Variants in ZDHHC6 observed in about 807,000 individuals in gnomAD.
ZDHHC6 encodes zDHHC palmitoyltransferase 6, also known as palmitoyltransferase ZDHHC6.
ZDHHC6 carries 32 observed loss-of-function variants against 57.8 expected under a neutral mutation model. The ratio of observed to expected loss-of-function variants is 0.55; its 90% CI spans 0.42 to 0.74. ZDHHC6 has a LOEUF of 0.74. Ranked by LOEUF, ZDHHC6 falls within the 30% of genes least tolerant of loss-of-function variation. The probability of loss-of-function intolerance (pLI) is 0.00; values close to 1 mark genes in which losing one functional copy is unlikely to be tolerated. For synonymous variants in ZDHHC6, 128 were observed against 158.0 expected, an observed-to-expected ratio of 0.81 and a Z score of 1.42; for missense variants, 433 against 500.7, an observed-to-expected ratio of 0.86 and a Z score of 1.29.
chr10:112,444,172 T>G (rs1023577256), intron 2 of ZDHHC6, among the ~76,000 whole-genome samples: 1 of 152,240 alleles, frequency 6.6e-6, no homozygotes, highest in African/African-American at 2.4e-5. Flanking sequence ...TCTCATGTAT[T>G]TAAGACTGTC....
downstream of ZDHHC6, chr10:112,425,499 C>A (rs760136368): frequency 3.1e-5 from 49 of 1,572,642 alleles, no homozygotes; most frequent in Non-Finnish European, 4.0e-5. Flanking sequence ...ATCATTTTAA[C>A]AATAGCCCAT....
intron 3 of ZDHHC6, 95 bp from the exon 4 acceptor site, chr10:112,442,446 C>T: frequency 8.1e-7 from 1 of 1,233,878 alleles, no homozygotes; most frequent in Non-Finnish European, 1.1e-6. Flanking sequence ...AGGAATCCAG[C>T]ATGTCCATGA....
upstream of ZDHHC6, chr10:112,447,520 G>T (rs1310979135): frequency 6.3e-7 from 1 of 1,590,972 alleles, no homozygotes; most frequent in Non-Finnish European, 8.6e-7. Flanking sequence ...GGGAGGGTGC[G>T]GGCGGTGGAA....
chr10:112,436,137 G>A (rs549346283), intron 6 of ZDHHC6, among the ~76,000 whole-genome samples: 142 of 152,312 alleles, frequency 9.3e-4, no homozygotes, highest in African/African-American at 3.3e-3. Context: ...TATCAAGTGT[G>A]AGACAGGGTA....
Position 112,430,725 on chromosome 10 carries a change from C to G in ZDHHC6, c.*79G>C. The G allele has an allele frequency of 2.4e-6, 3 of 1,244,690 alleles. No individual in the cohort carries two copies. Among genetic ancestry groups the G allele is most frequent in the Non-Finnish European group, 2.3e-6 (2 of 877,482 alleles). The allele number at this position is 1,244,690 out of a possible 1,614,324, so 77.1% of individuals were successfully genotyped here. On this transcript the variant is annotated 3_prime_UTR_variant, in exon 11 of 11. Transcript: ENST00000369405. The stretch of plus-strand genomic sequence containing the variant: ...AAGAACATCTTAACCAGAGTAGGCT[C>G]ATTGCATAATTCTTTAGTAATATGT...
Position 112,445,544 on chromosome 10 carries a change from C to G in ZDHHC6, c.-108G>C, listed in dbSNP as rs1846580834. 7.6e-7 allele frequency: 1 copy of G among 1,307,420 alleles called. No individual in the cohort carries two copies. The allele number at this position is 1,307,420 out of a possible 1,614,324, so 81.0% of individuals were successfully genotyped here. A position where few individuals can be genotyped will look rare whatever the true frequency, so the allele number is the denominator to read the frequency against. On this transcript the variant is annotated 5_prime_UTR_variant, in exon 2 of 11. Coordinates refer to ENST00000369405, the MANE Select transcript of ZDHHC6 (RefSeq NM_022494.3). Reference sequence around the variant, plus strand: ...CCATGTGTGTTCTTTAATTGTCATGCCTTCAAGCTGTGAACTGTTAACGCA... The same window carrying G: ...CCATGTGTGTTCTTTAATTGTCATGGCTTCAAGCTGTGAACTGTTAACGCA...
At chr10:112,434,179 G>T in intron 7 of ZDHHC6, 118 bp downstream of exon 7, 2 of 989,144 alleles carry the variant, frequency 2.0e-6, no homozygotes, top group South Asian at 2.1e-5. Context: ...GATTCATTTT[G>T]ACATAGTGAA....
At chr10:112,445,038 G>C in intron 2 of ZDHHC6, 132 bp downstream of exon 2, 1 of 1,041,566 alleles carries the variant, frequency 9.6e-7, no homozygotes, top group South Asian at 1.8e-5. Flanking sequence ...AATGATCAGT[G>C]ATTAGAGTAA....
At chr10:112,435,231 A>G (rs1845414432) in intron 6 of ZDHHC6, among the ~76,000 whole-genome samples, 1 of 152,242 alleles carries the variant, frequency 6.6e-6, no homozygotes, top group South Asian at 2.1e-4. Context: ...CTAGTGGTAC[A>G]AAGATACATT....
downstream of ZDHHC6, chr10:112,427,317 C>T (rs144968365): frequency 2.7e-5 from 44 of 1,613,620 alleles, no homozygotes; most frequent in African/African-American, 6.7e-5. Context: ...CAAATACTTT[C>T]GGACCCAAAT....
intron 3 of ZDHHC6, among the ~76,000 whole-genome samples, chr10:112,443,038 C>T (rs1439611183): frequency 6.6e-6 from 1 of 152,084 alleles, no homozygotes; most frequent in Admixed American, 6.6e-5. Flanking sequence ...AGTCAGTTTT[C>T]TTCTAAGTTT....
chr10:112,426,203 G>T, downstream of ZDHHC6: 1 of 1,373,126 alleles, frequency 7.3e-7, no homozygotes, highest in South Asian at 1.2e-5. Context: ...ACTACTGGGG[G>T]ACATCCCTAC....
chr10:112,435,579 T>C (rs1021590267), intron 6 of ZDHHC6, among the ~76,000 whole-genome samples: 6 of 152,242 alleles, frequency 3.9e-5, no homozygotes, highest in African/African-American at 1.4e-4. Flanking sequence ...CAATGTTTTA[T>C]GGAAAATGTT....
upstream of ZDHHC6, chr10:112,447,544 A>C: frequency 6.6e-7 from 1 of 1,519,718 alleles, no homozygotes; most frequent in Non-Finnish European, 9.0e-7. Context: ...CGCCCGAGTA[A>C]GTGTGTCTAT....
chr10:112,446,286 C>A (rs576076114), intron 1 of ZDHHC6, among the ~76,000 whole-genome samples: 14 of 151,878 alleles, frequency 9.2e-5, no homozygotes, highest in East Asian at 1.9e-4. Context: ...GGAGATAGAG[C>A]GAGAGTGTGT....
At chr10:112,443,635 A>G (rs1472518875) in intron 2 of ZDHHC6, 29 bp from the exon 3 acceptor site, 1 of 1,546,436 alleles carries the variant, frequency 6.5e-7, no homozygotes, top group South Asian at 1.1e-5. Flanking sequence ...ACAAAAATGC[A>G]TCATCGGATA....
At chr10:112,426,833 G>T (rs755142676), downstream of ZDHHC6, 1 of 1,613,992 alleles carries the variant, frequency 6.2e-7, no homozygotes, top group East Asian at 2.2e-5. Context: ...AATTGGGAAA[G>T]AAAGTGGCCT....
chr10:112,445,007 G>C (rs1347553183), intron 2 of ZDHHC6, among the ~76,000 whole-genome samples, 163 bp downstream of exon 2: 1 of 152,050 alleles, frequency 6.6e-6, no homozygotes, highest in Non-Finnish European at 1.5e-5. Flanking sequence ...AAACAGATAT[G>C]AAATAAAGTC....
chr10:112,440,809 C>A, intron 4 of ZDHHC6, 114 bp from the exon 5 acceptor site: 1 of 790,230 alleles, frequency 1.3e-6, no homozygotes, highest in South Asian at 4.4e-5. Context: ...GCCCTGTGGC[C>A]AACGCAAACA....
Sources: gnomAD v4.1 joint callset for allele counts (sites outside exome capture counted in the v4.1 genomes callset) on GRCh38, gnomAD v4.1.1 for gene constraint, MANE v1.5 for transcripts, NCBI Gene and HGNC (gene_info 2026-07-23, HGNC 2026-07-21) for gene names.